Variants in ELMOD1 observed in about 807,000 individuals in gnomAD.
ELMOD1 encodes ELMO domain containing 1, also known as ELMO domain-containing protein 1.
Under a neutral mutation model 46.7 loss-of-function variants are expected in ELMOD1, and 21 were observed. The ratio of observed to expected loss-of-function variants is 0.45; its 90% CI spans 0.32 to 0.65. ELMOD1 has a LOEUF of 0.65. ELMOD1 is among the 30% of genes least tolerant of loss of function. ELMOD1 has a pLI of 0.04. For synonymous variants in ELMOD1, 122 were observed against 138.2 expected (o/e 0.88, Z 0.82); for missense variants, 348 against 407.8 (o/e 0.85, Z 1.26).
rs1187055629 is a variant in ELMOD1, at chr11:107,647,343, C to T, written c.421-125C>T. On this transcript the variant is annotated intron_variant, in intron 6 of 11. Transcript: ENST00000265840. ...CTTTCATTGTCATAGATGATCACAT[C>T]TTTAATTGTAATGTATATGCATACA... The T allele has an allele frequency of 4.5e-6, 3 of 671,100 alleles. No homozygotes were observed. The African/African-American group carries it at 5.5e-5, about 12-fold the overall frequency. 41.6% of individuals were successfully genotyped at this position (671,100 alleles called of 1,614,324 possible).
intron 6 of ELMOD1, 76 bp downstream of exon 6, chr11:107,635,841 C>G: frequency 2.1e-6 from 3 of 1,431,084 alleles, no homozygotes; most frequent in South Asian, 1.4e-5. Flanking sequence ...GTGCTAGGCG[C>G]TGCTCTGGAC....
chr11:107,591,234 TCCGCGCCCGCAGCCAGTGCGGCAG>T lies in ELMOD1; in HGVS notation c.-255_-232del, dbSNP rs1865381508. 6.6e-6 allele frequency: 1 copy of T among 151,528 alleles called. No individual in the cohort carries two copies. Among genetic ancestry groups the T allele is most frequent in the Non-Finnish European group, 1.5e-5 (1 of 67,970 alleles). 9.4% of individuals were successfully genotyped at this position (151,528 alleles called of 1,614,324 possible). A position where few individuals can be genotyped will look rare whatever the true frequency, so the allele number is the denominator to read the frequency against. On this transcript the variant is annotated 5_prime_UTR_variant, in exon 1 of 12. Coordinates refer to ENST00000265840, the MANE Select transcript of ELMOD1 (RefSeq NM_018712.4). ...AGATTCCTGCCCCGCCCCCGCCCCT[TCCGCGCCCGCAGCCAGTGCGGCAG>T]CCGCGGCCGCCCCTGTCCAGCCTCG...
At chr11:107,646,708 C>T (rs1437715931) in intron 6 of ELMOD1, among the ~76,000 whole-genome samples, 1 of 151,296 alleles carries the variant, frequency 6.6e-6, no homozygotes, top group Non-Finnish European at 1.5e-5. Context: ...GCACTCCAGC[C>T]TGGGCAACAG....
intron 1 of ELMOD1, among the ~76,000 whole-genome samples, chr11:107,610,217 G>T (rs1313354098): frequency 6.6e-6 from 1 of 152,172 alleles, no homozygotes; most frequent in Non-Finnish European, 1.5e-5. Flanking sequence ...AACACCTCTA[G>T]AGAGGAAGTC....
chr11:107,627,681 C>G (rs1295724159), intron 2 of ELMOD1, among the ~76,000 whole-genome samples: 4 of 152,174 alleles, frequency 2.6e-5, no homozygotes, highest in South Asian at 2.1e-4. Flanking sequence ...TTTGTGTAGA[C>G]CTGATACAGA....
chr11:107,594,337 T>A (rs946667075), intron 1 of ELMOD1, among the ~76,000 whole-genome samples: 2 of 151,840 alleles, frequency 1.3e-5, no homozygotes, highest in African/African-American at 4.8e-5. Context: ...AAGGATTTGA[T>A]CTGATAGCCT....
chr11:107,628,772 TAAATA>T (rs555681484), intron 2 of ELMOD1, among the ~76,000 whole-genome samples: 31 of 151,758 alleles, frequency 2.0e-4, no homozygotes, highest in South Asian at 6.2e-4. Flanking sequence ...TTTCATTTTT[TAAATA>T]AAATAATACA....
chr11:107,653,508 CAG>C (rs1565389866), intron 9 of ELMOD1: 2 of 151,986 alleles, frequency 1.3e-5, no homozygotes, highest in East Asian at 1.9e-4. Context: ...CTTATTGGGA[CAG>C]AGTTTTTAAA....
chr11:107,605,260 C>T (rs1028146161), intron 1 of ELMOD1, among the ~76,000 whole-genome samples: 5 of 147,254 alleles, frequency 3.4e-5, no homozygotes, highest in Admixed American at 6.9e-5. Context: ...AGTGCAGTGG[C>T]GCAATCTTGA....
intron 6 of ELMOD1, among the ~76,000 whole-genome samples, chr11:107,636,199 A>T (rs886247321): frequency 2.6e-5 from 4 of 152,232 alleles, no homozygotes; most frequent in African/African-American, 4.8e-5. Context: ...ATTACCCAAG[A>T]TCTTAATGCT....
At chr11:107,608,128 A>G (rs1865718333) in intron 1 of ELMOD1, among the ~76,000 whole-genome samples, 2 of 151,306 alleles carry the variant, frequency 1.3e-5, no homozygotes, top group South Asian at 4.2e-4. Context: ...TATTCTAGTT[A>G]TTACTAATTA....
At chr11:107,649,263 T>G (rs1866484157) in intron 7 of ELMOD1, among the ~76,000 whole-genome samples, 1 of 152,106 alleles carries the variant, frequency 6.6e-6, no homozygotes, top group Admixed American at 6.6e-5. Flanking sequence ...AACAAGTCTT[T>G]CCTACATTTA....
chr11:107,611,793 G>T (rs1430996518), intron 1 of ELMOD1, among the ~76,000 whole-genome samples: 1 of 146,738 alleles, frequency 6.8e-6, no homozygotes, highest in African/African-American at 2.5e-5. Flanking sequence ...CAAACATGAA[G>T]AAAATGCAAA....
At chr11:107,648,476 A>G (rs1866471392) in intron 7 of ELMOD1, among the ~76,000 whole-genome samples, 1 of 152,262 alleles carries the variant, frequency 6.6e-6, no homozygotes, top group Admixed American at 6.5e-5. Context: ...CTGTGCTGCA[A>G]CGAATCAGAG....
chr11:107,603,741 G>A (rs937236763), intron 1 of ELMOD1, among the ~76,000 whole-genome samples: 4 of 152,006 alleles, frequency 2.6e-5, no homozygotes, highest in Non-Finnish European at 4.4e-5. Context: ...GCTGAGCATG[G>A]TGGCACATGC....
intron 1 of ELMOD1, among the ~76,000 whole-genome samples, chr11:107,606,868 T>G (rs1180765716): frequency 3.3e-5 from 5 of 152,146 alleles, no homozygotes; most frequent in Non-Finnish European, 7.4e-5. Context: ...TTTGGCCTTT[T>G]TCTACTTTTT....
At chr11:107,621,422 C>T (rs1389197030) in intron 2 of ELMOD1, among the ~76,000 whole-genome samples, 1 of 152,220 alleles carries the variant, frequency 6.6e-6, no homozygotes, top group Non-Finnish European at 1.5e-5. Context: ...AAAATAACTA[C>T]AAATTGGATT....
At chr11:107,646,994 C>A (rs1368889241) in intron 6 of ELMOD1, among the ~76,000 whole-genome samples, 1 of 151,946 alleles carries the variant, frequency 6.6e-6, no homozygotes, top group African/African-American at 2.4e-5. Flanking sequence ...ATCTACCTAT[C>A]TACCTACCAT....
chr11:107,655,850 A>AG, intron 10 of ELMOD1, 83 bp from the exon 11 acceptor site: 2 of 1,423,598 alleles, frequency 1.4e-6, no homozygotes, highest in Non-Finnish European at 1.9e-6. Flanking sequence ...TGGCACTGGT[A>AG]GGAGTGTCTT....
Sources: gnomAD v4.1 joint callset for allele counts (sites outside exome capture counted in the v4.1 genomes callset) on GRCh38, gnomAD v4.1.1 for gene constraint, MANE v1.5 for transcripts, NCBI Gene and HGNC (gene_info 2026-07-23, HGNC 2026-07-21) for gene names.